Variants in WDR7 observed in about 807,000 individuals in gnomAD.
WDR7 encodes WD repeat domain 7, also known as WD repeat-containing protein 7.
A neutral mutation model predicts 169.4 loss-of-function variants in WDR7; 46 were observed. That is an observed-to-expected ratio of 0.27 (90% CI 0.21 to 0.35). The LOEUF is 0.35. Among genes scored for constraint, WDR7 ranks in the 10% least tolerant of loss-of-function variants. The pLI is 1.00. For missense variants in WDR7, 1,534 were observed against 1,859.3 expected (o/e 0.83, Z 3.22); for synonymous variants, 612 against 666.8 (o/e 0.92, Z 1.27).
At chr18:56,946,469 T>G (rs1357158540) in intron 25 of WDR7, among the ~76,000 whole-genome samples, 1 of 152,230 alleles carries the variant, frequency 6.6e-6, no homozygotes, top group African/African-American at 2.4e-5. Context: ...TTGTGTTTGT[T>G]TGTTTGTTTT....
chr18:56,948,569 T>G (rs1225017486), intron 25 of WDR7, among the ~76,000 whole-genome samples: 1 of 152,238 alleles, frequency 6.6e-6, no homozygotes, highest in East Asian at 1.9e-4. Context: ...TCCTAATAAA[T>G]GGCATCAGTT....
chr18:56,835,353 T>C (rs1227456611), intron 20 of WDR7, among the ~76,000 whole-genome samples: 1 of 152,244 alleles, frequency 6.6e-6, no homozygotes, highest in Non-Finnish European at 1.5e-5. Context: ...TCAGAATATG[T>C]GCATTAGTGG....
intron 20 of WDR7, among the ~76,000 whole-genome samples, chr18:56,875,886 T>C (rs949013605): frequency 2.0e-5 from 3 of 152,216 alleles, no homozygotes; most frequent in Non-Finnish European, 4.4e-5. Context: ...CTGGTTCTTA[T>C]TGTTGTTCAC....
chr18:56,722,630 AT>A (rs2026346951), intron 13 of WDR7, among the ~76,000 whole-genome samples: 1 of 152,122 alleles, frequency 6.6e-6, no homozygotes, highest in African/African-American at 2.4e-5. Flanking sequence ...TTCTCTTTTA[AT>A]GATTGACTTT....
intron 19 of WDR7, among the ~76,000 whole-genome samples, chr18:56,791,792 C>A (rs1215768487): frequency 6.6e-6 from 1 of 152,134 alleles, no homozygotes; most frequent in African/African-American, 2.4e-5. Flanking sequence ...GGGCCAGAAA[C>A]CTTTCCTTCT....
At chr18:56,735,604 T>A (rs1373534885) in intron 14 of WDR7, among the ~76,000 whole-genome samples, 1 of 152,190 alleles carries the variant, frequency 6.6e-6, no homozygotes, top group Non-Finnish European at 1.5e-5. Context: ...GAATTGTCAC[T>A]GCAAATAGGT....
Position 56,695,005 on chromosome 18 carries a change from T to A in WDR7, c.1164T>A (p.Pro388=), listed in dbSNP as rs778883846. ...AAGAGGCATTTGATAAACTGAATCC[T>A]TGTCCTGCTGGAATTATAGATCAGC... The part of the protein sequence containing the change: ...SLQEAFDKLN[P]CPAGIIDQLS... The change falls in exon 11 of 28, where the codon CCT becomes CCA. Residue 388 remains proline (P), a synonymous_variant. Transcript: ENST00000254442. 1 of 1,614,212 alleles carries A rather than the reference T, an allele frequency of 6.2e-7. No individual in the cohort carries two copies.
At chr18:56,745,726 A>G (rs2043692239) in intron 14 of WDR7, among the ~76,000 whole-genome samples, 1 of 152,178 alleles carries the variant, frequency 6.6e-6, no homozygotes, top group South Asian at 2.1e-4. Flanking sequence ...AAAATTAGTC[A>G]CATGCTAATT....
At chr18:56,915,127 A>G (rs1404721627) in intron 21 of WDR7, among the ~76,000 whole-genome samples, 1 of 152,240 alleles carries the variant, frequency 6.6e-6, no homozygotes, top group Non-Finnish European at 1.5e-5. Context: ...TACAGGATAT[A>G]AAAAGTTTGA....
At chr18:56,889,198 A>G (rs77720338) in intron 21 of WDR7, among the ~76,000 whole-genome samples, 2,129 of 152,288 alleles carry the variant, frequency 0.014, 30 homozygotes, top group East Asian at 0.037. Flanking sequence ...GAGATGGGCA[A>G]CCTTGCCAGC....
chr18:56,969,337 C>A (rs1217895270), intron 26 of WDR7, among the ~76,000 whole-genome samples: 1 of 152,164 alleles, frequency 6.6e-6, no homozygotes, highest in East Asian at 1.9e-4. Flanking sequence ...AGGCTCTTGG[C>A]CTTTCCTCAA....
At chr18:56,861,892 A>G (rs78217704) in intron 20 of WDR7, among the ~76,000 whole-genome samples, 2,683 of 152,238 alleles carry the variant, frequency 0.018, 77 homozygotes, top group African/African-American at 0.058. Flanking sequence ...CATTCCAATA[A>G]CAATTAGACC....
At chr18:56,750,652 G>A (rs2043777236) in intron 14 of WDR7, among the ~76,000 whole-genome samples, 1 of 152,320 alleles carries the variant, frequency 6.6e-6, no homozygotes, top group East Asian at 1.9e-4. Context: ...GGATCCGATA[G>A]TCCGTATTTG....
chr18:56,708,314 A>G (rs2026007440), intron 12 of WDR7, among the ~76,000 whole-genome samples: 1 of 152,180 alleles, frequency 6.6e-6, no homozygotes, highest in Admixed American at 6.5e-5. Flanking sequence ...GATTATGGGT[A>G]TGAGCCATCA....
At chr18:56,975,751 G>A (rs2047555820) in intron 26 of WDR7, among the ~76,000 whole-genome samples, 1 of 152,154 alleles carries the variant, frequency 6.6e-6, no homozygotes, top group Non-Finnish European at 1.5e-5. Context: ...GAGGAGTGGA[G>A]ACTGTGGCAC....
chr18:57,020,961 C>G, intron 27 of WDR7, 112 bp downstream of exon 27: 1 of 875,092 alleles, frequency 1.1e-6, no homozygotes, highest in Non-Finnish European at 1.8e-6. Flanking sequence ...TCCCTCCCTC[C>G]TTGCAGCAAA....
At chr18:56,724,731 A>G (rs2026404930) in intron 13 of WDR7, among the ~76,000 whole-genome samples, 1 of 151,798 alleles carries the variant, frequency 6.6e-6, no homozygotes, top group Non-Finnish European at 1.5e-5. Context: ...TACATGTGCC[A>G]TGTTGGTGTG....
Position 56,789,293 on chromosome 18 carries a change from A to G in WDR7, c.3190+7637A>G, listed in dbSNP as rs572483496. ...ACATTAGTCAAGTGGCAAATTAAAA[A>G]TGAAAGTATTCTTGGATGGATTGGT... On this transcript the variant is annotated intron_variant, in intron 19 of 27. Transcript: ENST00000254442. Among the ~76,000 whole-genome samples, 3 of 152,366 alleles carry G rather than the reference A, an allele frequency of 2.0e-5. No homozygotes were observed. In the East Asian group the frequency reaches 5.8e-4, roughly 29 times the overall value.
chr18:56,937,510 A>G (rs1317172164), intron 23 of WDR7, among the ~76,000 whole-genome samples: 1 of 152,222 alleles, frequency 6.6e-6, no homozygotes, highest in Non-Finnish European at 1.5e-5. Flanking sequence ...CCCCGTTTCT[A>G]TGCCTACTAC....
Sources: gnomAD v4.1 joint callset for allele counts (sites outside exome capture counted in the v4.1 genomes callset) on GRCh38, gnomAD v4.1.1 for gene constraint, MANE v1.5 for transcripts, NCBI Gene and HGNC (gene_info 2026-07-23, HGNC 2026-07-21) for gene names.